The following PLCB1 variants were observed in gnomAD, a reference collection of about 807,000 sequenced individuals.
PLCB1 encodes phospholipase C beta 1.
PLCB1 carries 46 observed loss-of-function variants against 161.8 expected under a neutral mutation model. The ratio of observed to expected loss-of-function variants is 0.28; its 90% CI spans 0.22 to 0.36. The LOEUF (loss-of-function observed/expected upper bound fraction) is 0.36, where lower values mean the gene tolerates loss of function less well. Among genes scored for constraint, PLCB1 ranks in the 10% least tolerant of loss-of-function variants. The pLI, the probability that PLCB1 is intolerant of heterozygous loss-of-function variation, is 1.00. For synonymous variants in PLCB1, 517 were observed against 503.7 expected (o/e 1.03, Z -0.35); for missense variants, 1,016 against 1,472.5 (o/e 0.69, Z 5.07).
rs530323657 is a variant in PLCB1 at position 8,803,878 on chromosome 20, C to G, written c.3423+13617C>G. 1.5e-3 allele frequency among the ~76,000 whole-genome samples: 231 copies of G among 152,172 alleles called. 1 individual carries two copies. The highest frequency in any genetic ancestry group is 5.3e-3 in the African/African-American group (220 of 41,492). On this transcript the variant is annotated intron_variant, in intron 31 of 31. Coordinates refer to ENST00000338037, the MANE Select transcript of PLCB1 (RefSeq NM_015192.4). The stretch of plus-strand genomic sequence containing the variant: ...GCGCAATCTCAGCTCACCACAACCT[C>G]CACCTCCCGGGTTCAAGTGATTCTC...
intron 5 of PLCB1, 81 bp downstream of exon 5, chr20:8,646,262 T>C: frequency 1.1e-6 from 1 of 936,448 alleles, no homozygotes; most frequent in Non-Finnish European, 1.8e-6. Context: ...CTTCCGTTTA[T>C]GCCATACTGA....
At chr20:8,395,693 ATGCT>A (rs1987750596) in intron 3 of PLCB1, among the ~76,000 whole-genome samples, 1 of 152,052 alleles carries the variant, frequency 6.6e-6, no homozygotes, top group Non-Finnish European at 1.5e-5. Flanking sequence ...ATTTAATTTT[ATGCT>A]TAGCTGCTCA....
At chr20:8,172,973 T>A (rs1029669618) in intron 2 of PLCB1, among the ~76,000 whole-genome samples, 2 of 152,180 alleles carry the variant, frequency 1.3e-5, no homozygotes, top group African/African-American at 4.8e-5. Context: ...GTCCATCCAG[T>A]GTCAACAGGG....
chr20:8,657,567 G>A (rs1480728038), intron 8 of PLCB1, among the ~76,000 whole-genome samples: 1 of 152,028 alleles, frequency 6.6e-6, no homozygotes, highest in African/African-American at 2.4e-5. Flanking sequence ...AGAACAGGGA[G>A]TCATCTTGGC....
At chr20:8,758,396 C>T (rs1394464319) in intron 24 of PLCB1, among the ~76,000 whole-genome samples, 1 of 151,944 alleles carries the variant, frequency 6.6e-6, no homozygotes, top group Non-Finnish European at 1.5e-5. Flanking sequence ...ACCTGGCCAA[C>T]ATGGTGAAAC....
chr20:8,409,677 G>T (rs1482710905), intron 3 of PLCB1, among the ~76,000 whole-genome samples: 5 of 151,916 alleles, frequency 3.3e-5, no homozygotes, highest in Non-Finnish European at 5.9e-5. Context: ...TGGCCAGGCT[G>T]GTCCCAAACT....
At chr20:8,344,486 C>T (rs562750069) in intron 2 of PLCB1, among the ~76,000 whole-genome samples, 3 of 152,324 alleles carry the variant, frequency 2.0e-5, no homozygotes, top group Non-Finnish European at 4.4e-5. Flanking sequence ...TATCCATGTA[C>T]ATCCACATCC....
At chr20:8,340,577 C>T (rs1295332735) in intron 2 of PLCB1, among the ~76,000 whole-genome samples, 6 of 152,002 alleles carry the variant, frequency 3.9e-5, no homozygotes, top group Non-Finnish European at 5.9e-5. Context: ...CGCCCGCCAC[C>T]ACGCCCGGCT....
chr20:8,171,597 G>A (rs1600214297), intron 2 of PLCB1, among the ~76,000 whole-genome samples: 1 of 151,958 alleles, frequency 6.6e-6, no homozygotes, highest in Admixed American at 6.6e-5. Flanking sequence ...TATGAAAAAA[G>A]GATAATATTA....
In PLCB1 at chr20:8,858,284, A is replaced by T. The variant is rs78098017; in HGVS notation, c.3424-23338A>T. 6.2e-3 allele frequency among the ~76,000 whole-genome samples: 939 copies of T among 152,280 alleles called. 26 individuals carry two copies. The South Asian group carries it at 0.07, about 11-fold the overall frequency. ...TGGTAATGCGGCTCCTGTGTTCATTATGAAATATTTAGGTATGGACTTGTC... is the reference window on the plus strand; with the variant it reads ...TGGTAATGCGGCTCCTGTGTTCATTTTGAAATATTTAGGTATGGACTTGTC... On this transcript the variant is annotated intron_variant, in intron 31 of 31. Coordinates refer to ENST00000338037, the MANE Select transcript of PLCB1 (RefSeq NM_015192.4).
chr20:8,783,798 T>G (rs889029810), intron 27 of PLCB1, among the ~76,000 whole-genome samples: 2 of 152,148 alleles, frequency 1.3e-5, no homozygotes, highest in African/African-American at 4.8e-5. Context: ...TCCATTGACA[T>G]GTAGGAAAAA....
At chr20:8,409,308 C>G (rs1310414933) in intron 3 of PLCB1, among the ~76,000 whole-genome samples, 3 of 152,080 alleles carry the variant, frequency 2.0e-5, no homozygotes, top group Non-Finnish European at 2.9e-5. Context: ...ATGCTACAAG[C>G]CTTTTCTATG....
intron 23 of PLCB1, among the ~76,000 whole-genome samples, chr20:8,745,450 G>A (rs955274810): frequency 3.3e-5 from 5 of 152,072 alleles, no homozygotes; most frequent in African/African-American, 1.2e-4. Context: ...TCATTGGACT[G>A]CAAAATATTA....
chr20:8,169,162 G>A (rs2051706914), intron 2 of PLCB1, among the ~76,000 whole-genome samples: 2 of 152,074 alleles, frequency 1.3e-5, no homozygotes, highest in African/African-American at 4.8e-5. Flanking sequence ...TATATTGGGT[G>A]GGGAGCCACT....
At chr20:8,785,691 A>G (rs1429506026) in intron 27 of PLCB1, among the ~76,000 whole-genome samples, 1 of 152,140 alleles carries the variant, frequency 6.6e-6, no homozygotes, top group African/African-American at 2.4e-5. Flanking sequence ...CACCAAACCA[A>G]CATAAAAGTC....
intron 2 of PLCB1, among the ~76,000 whole-genome samples, chr20:8,310,302 G>C (rs1323908069): frequency 1.3e-5 from 2 of 152,152 alleles, no homozygotes; most frequent in African/African-American, 2.4e-5. Flanking sequence ...ATGTTTAGTT[G>C]TAAATTTCAC....
chr20:8,433,706 T>TTCCTCCTCCTCCTCCTCATCCTCC (rs1473926706), intron 3 of PLCB1, among the ~76,000 whole-genome samples: 1 of 146,664 alleles, frequency 6.8e-6, no homozygotes, highest in Non-Finnish European at 1.5e-5. Flanking sequence ...CCTTCTCCTC[T>TTCCTCCTCCTCCTCCTCATCCTCC]TCCTCCTCCT....
chr20:8,419,537 G>T (rs534669583), intron 3 of PLCB1, among the ~76,000 whole-genome samples: 7 of 152,040 alleles, frequency 4.6e-5, no homozygotes, highest in African/African-American at 1.4e-4. Flanking sequence ...AATAAGTTGC[G>T]AGAGATATTC....
At chr20:8,766,949 C>T (rs949902954) in intron 26 of PLCB1, among the ~76,000 whole-genome samples, 4 of 151,954 alleles carry the variant, frequency 2.6e-5, no homozygotes, top group African/African-American at 4.8e-5. Flanking sequence ...TCTAGGATGA[C>T]GCTGGTAGAC....
Sources: allele counts gnomAD v4.1 joint callset (sites outside exome capture counted in the v4.1 genomes callset), GRCh38; gene constraint gnomAD v4.1.1; transcripts MANE v1.5; gene names NCBI Gene and HGNC (gene_info 2026-07-23, HGNC 2026-07-21).